DLG2: variants seen among roughly 807,000 people sequenced by gnomAD.
DLG2 encodes the protein discs large MAGUK scaffold protein 2.
A neutral mutation model predicts 132.5 loss-of-function variants in DLG2; 45 were observed. That is an observed-to-expected ratio of 0.34 (90% confidence interval 0.27 to 0.44). The LOEUF is 0.44. Ranked by LOEUF, DLG2 falls within the 20% of genes least tolerant of loss-of-function variation. The probability of loss-of-function intolerance (pLI) is 1.00; values close to 1 mark genes in which losing one functional copy is unlikely to be tolerated. For missense variants in DLG2, 1,045 were observed against 1,196.9 expected, an observed-to-expected ratio of 0.87 and a Z score of 1.87; for synonymous variants, 424 against 419.6, an observed-to-expected ratio of 1.01 and a Z score of -0.13.
intron 21 of DLG2, among the ~76,000 whole-genome samples, chr11:83,492,432 C>CCCAGCTAGGAGCCTTCCCTGTCT (rs1470471773): frequency 6.6e-6 from 1 of 151,932 alleles, no homozygotes; most frequent in Non-Finnish European, 1.5e-5. Context: ...TCCCTCCCTC[C>CCCAGCTAGGAGCCTTCCCTGTCT]CCAGCTAGGA....
chr11:85,560,743 G>A (rs994494315), intron 3 of DLG2, among the ~76,000 whole-genome samples: 5 of 151,804 alleles, frequency 3.3e-5, no homozygotes, highest in Non-Finnish European at 7.4e-5. Context: ...TAAAAGTGCT[G>A]TGAGCTGGCT....
intron 18 of DLG2, among the ~76,000 whole-genome samples, chr11:83,719,714 C>A (rs557311466): frequency 4.6e-5 from 7 of 152,156 alleles, no homozygotes; most frequent in Non-Finnish European, 8.8e-5. Flanking sequence ...TAGGCCCTAC[C>A]TCTAACAGTG....
At chr11:84,797,015 T>G (rs1417583382) in intron 6 of DLG2, among the ~76,000 whole-genome samples, 1 of 152,006 alleles carries the variant, frequency 6.6e-6, no homozygotes, top group African/African-American at 2.4e-5. Flanking sequence ...CTGGCTAATT[T>G]TTTCTATTTT....
intron 6 of DLG2, chr11:84,923,484 A>T (rs985041640): frequency 2.8e-5 from 28 of 1,008,580 alleles, no homozygotes; most frequent in Non-Finnish European, 3.3e-5. Context: ...GAGGGGGGGA[A>T]AGGTGAAGAA....
intron 19 of DLG2, among the ~76,000 whole-genome samples, chr11:83,597,107 C>T (rs2057724634): frequency 6.6e-6 from 1 of 152,210 alleles, no homozygotes; most frequent in Non-Finnish European, 1.5e-5. Flanking sequence ...TGCCAAGGCT[C>T]AACAGTTGTA....
chr11:84,042,813 A>AT, intron 11 of DLG2, among the ~76,000 whole-genome samples: 1 of 152,030 alleles, frequency 6.6e-6, no homozygotes, highest in Middle Eastern at 3.4e-3. Context: ...GTTCTCACTT[A>AT]TAAGTGGGAG....
intron 7 of DLG2, among the ~76,000 whole-genome samples, chr11:84,494,722 C>T (rs2099175784): frequency 6.6e-6 from 1 of 152,128 alleles, no homozygotes; most frequent in South Asian, 2.1e-4. Context: ...GACCCTAAAG[C>T]ATGACTAGAA....
At chr11:84,107,491 T>TG (rs1162722003) in intron 9 of DLG2, among the ~76,000 whole-genome samples, 2 of 50,370 alleles carry the variant, frequency 4.0e-5, no homozygotes, top group Non-Finnish European at 6.1e-5. Flanking sequence ...ACTCCATCTT[T>TG]AATTTTCCTT....
At chr11:84,888,754 C>G (rs1367306887) in intron 6 of DLG2, among the ~76,000 whole-genome samples, 2 of 152,140 alleles carry the variant, frequency 1.3e-5, no homozygotes, top group African/African-American at 2.4e-5. Flanking sequence ...CAACCCTCTT[C>G]TTCCTTCATT....
intron 6 of DLG2, among the ~76,000 whole-genome samples, chr11:84,875,668 T>C (rs2086232366): frequency 1.3e-5 from 2 of 152,210 alleles, no homozygotes; most frequent in South Asian, 2.1e-4. Flanking sequence ...TTTTTCATTG[T>C]TGCTGTCATA....
chr11:84,540,170 C>T (rs577889070), intron 6 of DLG2, among the ~76,000 whole-genome samples: 1 of 152,188 alleles, frequency 6.6e-6, no homozygotes, highest in East Asian at 1.9e-4. Flanking sequence ...GCAATGGCAA[C>T]AAAAGCCAAA....
chr11:83,726,224 T>C (rs2153693221), intron 18 of DLG2, among the ~76,000 whole-genome samples: 1 of 152,324 alleles, frequency 6.6e-6, no homozygotes, highest in Non-Finnish European at 1.5e-5. Context: ...TTAAAAGTGT[T>C]TTTTAGGGAT....
At chr11:84,215,462 A>G (rs2096823802) in intron 8 of DLG2, among the ~76,000 whole-genome samples, 1 of 152,078 alleles carries the variant, frequency 6.6e-6, no homozygotes, top group Non-Finnish European at 1.5e-5. Flanking sequence ...AAAATCTTCT[A>G]CAAGTTGAGC....
chr11:84,608,609 A>G (rs1378005453), intron 6 of DLG2, among the ~76,000 whole-genome samples: 1 of 152,172 alleles, frequency 6.6e-6, no homozygotes, highest in Admixed American at 6.5e-5. Flanking sequence ...GATCTCACAG[A>G]AATATAAGAT....
chr11:84,549,863 C>T (rs1565271154), intron 6 of DLG2, among the ~76,000 whole-genome samples: 1 of 152,084 alleles, frequency 6.6e-6, no homozygotes, highest in African/African-American at 2.4e-5. Context: ...ACGAGATTCT[C>T]CCACCTCAGA....
chr11:84,187,327 T>C (rs1386404575), intron 8 of DLG2, among the ~76,000 whole-genome samples: 17 of 151,964 alleles, frequency 1.1e-4, no homozygotes, highest in Non-Finnish European at 1.5e-5. Flanking sequence ...AAATGTGGTT[T>C]CTACTTCAAG....
intron 7 of DLG2, among the ~76,000 whole-genome samples, chr11:84,357,769 G>C (rs2154418088): frequency 6.6e-6 from 1 of 151,872 alleles, no homozygotes; most frequent in Admixed American, 6.6e-5. Flanking sequence ...TATTACTAGT[G>C]AAAGTAAGAA....
At chr11:83,778,334 G>A (rs1034706400) in intron 18 of DLG2, among the ~76,000 whole-genome samples, 3 of 152,120 alleles carry the variant, frequency 2.0e-5, no homozygotes, top group African/African-American at 4.8e-5. Context: ...AATGATAGAT[G>A]TGAATCTAAG....
rs190642885 is a variant in DLG2 at position 84,367,527 on chromosome 11, C to G, written c.520-116236G>C. Among the ~76,000 whole-genome samples the G allele has an allele frequency of 2.9e-3, 436 of 152,216 alleles. 1 individual carries two copies. The highest frequency in any genetic ancestry group is 0.01 in the Middle Eastern group (3 of 294). Reference sequence around the variant, plus strand: ...GTTTCATCTGAAATTCATATTGGAACTTAATCCCTAATATAACAATATTAA... The same window carrying G: ...GTTTCATCTGAAATTCATATTGGAAGTTAATCCCTAATATAACAATATTAA... On this transcript the variant is annotated intron_variant, in intron 7 of 27. Coordinates refer to ENST00000376104, the MANE Select transcript of DLG2 (RefSeq NM_001142699.3).
Sources: gnomAD v4.1 joint callset for allele counts (sites outside exome capture counted in the v4.1 genomes callset) on GRCh38, gnomAD v4.1.1 for gene constraint, MANE v1.5 for transcripts, NCBI Gene and HGNC (gene_info 2026-07-23, HGNC 2026-07-21) for gene names.